Variants in GRK3 observed in about 807,000 individuals in gnomAD.
The protein encoded by GRK3 is G protein-coupled receptor kinase 3, also known as adrenergic, beta, receptor kinase 2.
Under a neutral mutation model 95.7 loss-of-function variants are expected in GRK3, and 54 were observed. That is an observed-to-expected ratio of 0.56 (90% CI 0.45 to 0.71). The LOEUF is 0.71. Ranked by LOEUF, GRK3 falls within the 30% of genes least tolerant of loss-of-function variation. GRK3 has a pLI of 0.00. For missense variants in GRK3, 649 were observed against 851.2 expected (o/e 0.76, Z 2.96); for synonymous variants, 281 against 290.8 (o/e 0.97, Z 0.34).
chr22:25,640,728 T>G (rs2084736770), intron 2 of GRK3, among the ~76,000 whole-genome samples: 1 of 152,252 alleles, frequency 6.6e-6, no homozygotes, highest in Admixed American at 6.5e-5. Flanking sequence ...AATACAATTC[T>G]TTCTACTAAT....
chr22:25,568,760 A>C (rs1931582463), intron 1 of GRK3, among the ~76,000 whole-genome samples: 1 of 152,240 alleles, frequency 6.6e-6, no homozygotes, highest in Admixed American at 6.5e-5. Context: ...TTTAACCACA[A>C]ACAAATAGCG....
rs568317989 is a variant in GRK3, at chr22:25,649,383, C to T, written c.264+4718C>T. 3.9e-5 allele frequency among the ~76,000 whole-genome samples: 6 copies of T among 152,138 alleles called. No individual in the cohort carries two copies. The East Asian group carries it at 1.2e-3, about 29-fold the overall frequency. On this transcript the variant is annotated intron_variant, in intron 3 of 20. Coordinates refer to ENST00000324198, the MANE Select transcript of GRK3 (RefSeq NM_005160.4). ...TCCCAGATATGGTTCCACAAAACCA[C>T]TTTTTTTTACCCCAAGTATTAAACT...
chr22:25,708,772 C>A (rs1659529481), intron 15 of GRK3, among the ~76,000 whole-genome samples: 1 of 151,878 alleles, frequency 6.6e-6, no homozygotes, highest in African/African-American at 2.4e-5. Context: ...AGCAAATCTC[C>A]TGCCTCAGCC....
At chr22:25,639,177 ACT>A in intron 2 of GRK3, among the ~76,000 whole-genome samples, 1 of 152,304 alleles carries the variant, frequency 6.6e-6, no homozygotes, top group South Asian at 2.1e-4. Flanking sequence ...ATTTTTTAAC[ACT>A]GTCTTTTGAA....
At chr22:25,681,509 G>A (rs2085074104) in intron 9 of GRK3, among the ~76,000 whole-genome samples, 1 of 152,058 alleles carries the variant, frequency 6.6e-6, no homozygotes, top group Non-Finnish European at 1.5e-5. Flanking sequence ...GGTGGGGGGA[G>A]TCGTGCAAGA....
intron 2 of GRK3, among the ~76,000 whole-genome samples, chr22:25,613,997 C>T (rs1412012978): frequency 6.6e-6 from 1 of 150,934 alleles, no homozygotes; most frequent in Non-Finnish European, 1.5e-5. Context: ...TAATTATCAT[C>T]GCCCCACCCA....
chr22:25,681,915 C>T (rs943816837), intron 9 of GRK3, among the ~76,000 whole-genome samples: 4 of 152,076 alleles, frequency 2.6e-5, no homozygotes, highest in Non-Finnish European at 5.9e-5. Flanking sequence ...GTATCCCACC[C>T]TTCATTAAAT....
chr22:25,628,223 A>G (rs1221983470), intron 2 of GRK3, among the ~76,000 whole-genome samples: 1 of 152,260 alleles, frequency 6.6e-6, no homozygotes, highest in African/African-American at 2.4e-5. Context: ...GTGGGTTTCA[A>G]AATGGGCACT....
At chr22:25,605,449 T>TA (rs1005308480) in intron 2 of GRK3, among the ~76,000 whole-genome samples, 13 of 152,154 alleles carry the variant, frequency 8.5e-5, no homozygotes, top group African/African-American at 3.1e-4. Flanking sequence ...GATTTTGTGC[T>TA]AAAAAACAAA....
At chr22:25,623,775 C>G (rs2084605828) in intron 2 of GRK3, among the ~76,000 whole-genome samples, 1 of 152,186 alleles carries the variant, frequency 6.6e-6, no homozygotes, top group South Asian at 2.1e-4. Flanking sequence ...TCGTCCTTGT[C>G]TCTCCTGCCC....
chr22:25,574,448 T>G (rs1931817985), intron 1 of GRK3, among the ~76,000 whole-genome samples: 1 of 152,336 alleles, frequency 6.6e-6, no homozygotes, highest in Non-Finnish European at 1.5e-5. Context: ...GCTGAAATCA[T>G]GTCACTGCAC....
Position 25,594,230 on chromosome 22 carries a change from A to G in GRK3, c.114-10147A>G, listed in dbSNP as rs376112325. On this transcript the variant is annotated intron_variant, in intron 1 of 20. Transcript: ENST00000324198. ...TTTACAATATTGATTCTTCCAATCT[A>G]TGAGCATGGAACGTTCTTCCATTTG... Among the ~76,000 whole-genome samples, 20 of 152,270 alleles carry G rather than the reference A, an allele frequency of 1.3e-4. 1 individual carries two copies. In the South Asian group the frequency reaches 3.5e-3, roughly 27 times the overall value.
intron 3 of GRK3, among the ~76,000 whole-genome samples, chr22:25,661,165 A>C (rs978378507): frequency 1.3e-5 from 2 of 152,224 alleles, no homozygotes; most frequent in African/African-American, 4.8e-5. Context: ...GTTTTGGAAC[A>C]CTGCAGTTGA....
At chr22:25,718,906 C>G (rs1316068950) in intron 19 of GRK3, among the ~76,000 whole-genome samples, 1 of 152,030 alleles carries the variant, frequency 6.6e-6, no homozygotes, top group Non-Finnish European at 1.5e-5. Flanking sequence ...AAAATAACAA[C>G]AAAACAATAA....
chr22:25,673,111 G>C (rs1298595249), intron 7 of GRK3, among the ~76,000 whole-genome samples: 1 of 150,146 alleles, frequency 6.7e-6, no homozygotes, highest in African/African-American at 2.5e-5. Flanking sequence ...GCCCAGGCTG[G>C]AATGTAGTGG....
At position 25,587,773 on chromosome 22, in the gene GRK3, A is replaced by G. The variant is rs534172137; in HGVS notation, c.114-16604A>G. Among the ~76,000 whole-genome samples, 319 of 150,832 alleles carry G rather than the reference A, an allele frequency of 2.1e-3. 2 individuals carry two copies. Among genetic ancestry groups the G allele is most frequent in the Middle Eastern group, 3.4e-3 (1 of 294 alleles). On this transcript the variant is annotated intron_variant, in intron 1 of 20. Coordinates refer to ENST00000324198, the MANE Select transcript of GRK3 (RefSeq NM_005160.4). The stretch of plus-strand genomic sequence containing the variant: ...CTCGTGGCAGTGAGTAAGTCTCACG[A>G]GATCTGATGGTTTGATAAGGGGAAA...
chr22:25,581,402 T>C lies in GRK3; in HGVS notation c.113+16249T>C, dbSNP rs535873345. ...CTTAAGATGTACTATATAATTTCTA[T>C]GACAGCATCATACACAGATGCAAGA... On this transcript the variant is annotated intron_variant, in intron 1 of 20. Transcript: ENST00000324198. 1.7e-4 allele frequency: 26 copies of C among 152,324 alleles called. 1 individual carries two copies. Among genetic ancestry groups the C allele is most frequent in the Middle Eastern group, 6.8e-3 (2 of 294 alleles). 9.4% of individuals were successfully genotyped at this position (152,324 alleles called of 1,614,324 possible).
chr22:25,631,591 T>C (rs1024069862), intron 2 of GRK3, among the ~76,000 whole-genome samples: 1 of 152,214 alleles, frequency 6.6e-6, no homozygotes, highest in Non-Finnish European at 1.5e-5. Flanking sequence ...TGCAGGTTTA[T>C]TGAGGTATAA....
chr22:25,576,049 C>A (rs2146314316), intron 1 of GRK3, among the ~76,000 whole-genome samples: 1 of 152,304 alleles, frequency 6.6e-6, no homozygotes, highest in East Asian at 1.9e-4. Flanking sequence ...CTCCCCCTCC[C>A]AAAAGTGCGC....
Sources: allele counts gnomAD v4.1 joint callset (sites outside exome capture counted in the v4.1 genomes callset), GRCh38; gene constraint gnomAD v4.1.1; transcripts MANE v1.5; gene names NCBI Gene and HGNC (gene_info 2026-07-23, HGNC 2026-07-21).